NRXN3: variants seen among roughly 807,000 people sequenced by gnomAD.
The protein encoded by NRXN3 is neurexin III.
Under a neutral mutation model 137.6 loss-of-function variants are expected in NRXN3, and 32 were observed. That is an observed-to-expected ratio of 0.23 (90% CI 0.18 to 0.31). The LOEUF is 0.31. Among genes scored for constraint, NRXN3 ranks in the 10% least tolerant of loss-of-function variants. The pLI is 1.00. For missense variants in NRXN3, 1,574 were observed against 2,062.5 expected (o/e 0.76, Z 4.59); for synonymous variants, 798 against 784.5 (o/e 1.02, Z -0.29).
chr14:78,608,030 G>T (rs537656714), intron 4 of NRXN3, among the ~76,000 whole-genome samples: 1 of 152,282 alleles, frequency 6.6e-6, no homozygotes, highest in African/African-American at 2.4e-5. Context: ...AATGGAGACA[G>T]GAGGGAAATG....
intron 15 of NRXN3, among the ~76,000 whole-genome samples, chr14:79,174,904 A>G (rs1306319066): frequency 1.3e-5 from 2 of 152,014 alleles, no homozygotes; most frequent in Non-Finnish European, 2.9e-5. Flanking sequence ...CAATAGGGGA[A>G]TATGGAATGG....
At chr14:78,984,843 G>A (rs1166696419) in intron 14 of NRXN3, among the ~76,000 whole-genome samples, 1 of 152,184 alleles carries the variant, frequency 6.6e-6, no homozygotes, top group Non-Finnish European at 1.5e-5. Flanking sequence ...AGGGACATAT[G>A]GTAAGAAATG....
At chr14:79,140,749 C>T (rs141436790) in intron 15 of NRXN3, among the ~76,000 whole-genome samples, 123 of 152,098 alleles carry the variant, frequency 8.1e-4, no homozygotes, top group African/African-American at 2.9e-3. Context: ...TACTTTTGGC[C>T]CTTTTCCTCT....
chr14:79,443,954 T>C (rs1182081733), intron 15 of NRXN3, among the ~76,000 whole-genome samples: 2 of 152,090 alleles, frequency 1.3e-5, no homozygotes, highest in Non-Finnish European at 2.9e-5. Flanking sequence ...ATTAACCCCA[T>C]TATCCAGCTG....
intron 4 of NRXN3, among the ~76,000 whole-genome samples, chr14:78,322,021 C>T (rs1411183622): frequency 6.6e-6 from 1 of 152,008 alleles, no homozygotes; most frequent in East Asian, 1.9e-4. Context: ...TAGGATCACA[C>T]TCCCATTCCT....
At chr14:78,460,847 A>G (rs928398333) in intron 4 of NRXN3, among the ~76,000 whole-genome samples, 14 of 152,056 alleles carry the variant, frequency 9.2e-5, no homozygotes, top group African/African-American at 3.4e-4. Flanking sequence ...GCCTCTGAAG[A>G]TAATTCAGCA....
intron 4 of NRXN3, among the ~76,000 whole-genome samples, chr14:78,324,381 T>C (rs1303592155): frequency 6.6e-6 from 1 of 152,064 alleles, no homozygotes; most frequent in Non-Finnish European, 1.5e-5. Flanking sequence ...TGAGATGTGT[T>C]CTACCCATGA....
intron 4 of NRXN3, among the ~76,000 whole-genome samples, chr14:78,310,522 C>G (rs2077861596): frequency 6.6e-6 from 1 of 151,984 alleles, no homozygotes; most frequent in African/African-American, 2.4e-5. Context: ...GCATACGCTC[C>G]CTTGTTTCCC....
intron 19 of NRXN3, among the ~76,000 whole-genome samples, chr14:79,753,002 A>G (rs1290681538): frequency 6.6e-6 from 1 of 151,732 alleles, no homozygotes; most frequent in African/African-American, 2.4e-5. Flanking sequence ...GAGAAATGCA[A>G]ATCAAAACCA....
intron 15 of NRXN3, among the ~76,000 whole-genome samples, chr14:79,225,908 T>C (rs2070772344): frequency 6.6e-6 from 1 of 152,132 alleles, no homozygotes; most frequent in South Asian, 2.1e-4. Context: ...CTTTCTTCCG[T>C]CTTCAAAGCC....
intron 16 of NRXN3, among the ~76,000 whole-genome samples, chr14:79,565,621 T>G (rs1307911234): frequency 6.6e-6 from 1 of 151,870 alleles, no homozygotes; most frequent in Non-Finnish European, 1.5e-5. Context: ...AAATTACCAA[T>G]AGGCAGAAAA....
intron 4 of NRXN3, among the ~76,000 whole-genome samples, chr14:78,616,177 T>G (rs2097345730): frequency 6.6e-6 from 1 of 152,218 alleles, no homozygotes; most frequent in African/African-American, 2.4e-5. Context: ...TCTCTAAGCT[T>G]AAAACCCTTT....
chr14:78,762,933 C>T (rs2098697335), intron 8 of NRXN3, among the ~76,000 whole-genome samples: 1 of 152,094 alleles, frequency 6.6e-6, no homozygotes, highest in Non-Finnish European at 1.5e-5. Context: ...TGTGGAGGAG[C>T]CTTCCATGCT....
At chr14:79,526,817 C>T (rs770238898) in intron 16 of NRXN3, among the ~76,000 whole-genome samples, 10 of 152,150 alleles carry the variant, frequency 6.6e-5, no homozygotes, top group Non-Finnish European at 1.2e-4. Flanking sequence ...ATGCAAGCCA[C>T]TCCACTATAT....
At chr14:78,843,271 T>A (rs2099017722) in intron 10 of NRXN3, among the ~76,000 whole-genome samples, 1 of 152,164 alleles carries the variant, frequency 6.6e-6, no homozygotes, top group Non-Finnish European at 1.5e-5. Flanking sequence ...GGTCCCTCCA[T>A]TCGGGGTCCC....
intron 4 of NRXN3, among the ~76,000 whole-genome samples, chr14:78,318,820 C>A (rs919064349): frequency 2.0e-5 from 3 of 152,190 alleles, no homozygotes; most frequent in African/African-American, 7.2e-5. Flanking sequence ...AGAGCAAAGG[C>A]CCTTCTTGAA....
At chr14:78,235,026 G>GTGTATATATATATATATA (rs1555418717) in intron 1 of NRXN3, among the ~76,000 whole-genome samples, 1 of 87,308 alleles carries the variant, frequency 1.1e-5, no homozygotes, top group African/African-American at 4.9e-5. Flanking sequence ...ATATATATGT[G>GTGTATATATATATATATA]TATATATATA....
chr14:79,079,653 T>C (rs1595722848), intron 15 of NRXN3, among the ~76,000 whole-genome samples: 1 of 152,184 alleles, frequency 6.6e-6, no homozygotes, highest in Admixed American at 6.6e-5. Flanking sequence ...CTGCCTCTTT[T>C]ACTCTTTGGA....
chr14:78,219,002 C>T (rs929057770), intron 1 of NRXN3, among the ~76,000 whole-genome samples: 3 of 152,134 alleles, frequency 2.0e-5, no homozygotes, highest in Non-Finnish European at 2.9e-5. Context: ...TTTCCCTCTG[C>T]GTGTATCTGT....
Sources: gnomAD v4.1 joint callset for allele counts (sites outside exome capture counted in the v4.1 genomes callset) on GRCh38, gnomAD v4.1.1 for gene constraint, MANE v1.5 for transcripts, NCBI Gene and HGNC (gene_info 2026-07-23, HGNC 2026-07-21) for gene names.